ZFHX3: variants seen among roughly 807,000 people sequenced by gnomAD.
The protein encoded by ZFHX3 is zinc finger homeobox 3.
In ZFHX3, 42 loss-of-function variants were observed where a neutral mutation model predicts 279.1. That is an observed-to-expected ratio of 0.15 (90% CI 0.12 to 0.19). ZFHX3 has a LOEUF of 0.19. Ranked by LOEUF, ZFHX3 falls within the 10% of genes least tolerant of loss-of-function variation. The pLI is 1.00. For synonymous variants in ZFHX3, 2,293 were observed against 1,957.8 expected, an observed-to-expected ratio of 1.17 and a Z score of -4.52; for missense variants, 4,981 against 4,754.0, an observed-to-expected ratio of 1.05 and a Z score of -1.40.
At chr16:73,086,708 G>A (rs1310569420) in intron 8 of ZFHX3, among the ~76,000 whole-genome samples, 1 of 152,064 alleles carries the variant, frequency 6.6e-6, no homozygotes, top group Non-Finnish European at 1.5e-5. Flanking sequence ...TTCAAGACCA[G>A]CCTGGGCAAC....
intron 1 of ZFHX3, among the ~76,000 whole-genome samples, chr16:73,840,777 C>T (rs1351267079): frequency 6.6e-6 from 1 of 152,140 alleles, no homozygotes; most frequent in Non-Finnish European, 1.5e-5. Context: ...TGAAGTAAGC[C>T]CATGACAATA....
intron 3 of ZFHX3, among the ~76,000 whole-genome samples, chr16:72,911,903 C>T (rs975627292): frequency 6.6e-6 from 1 of 152,166 alleles, no homozygotes; most frequent in African/African-American, 2.4e-5. Flanking sequence ...CGTCACACTG[C>T]CACTTTAGAA....
chr16:72,901,941 G>A (rs756565171), intron 3 of ZFHX3, among the ~76,000 whole-genome samples: 9 of 152,060 alleles, frequency 5.9e-5, no homozygotes, highest in Non-Finnish European at 1.2e-4. Flanking sequence ...CTCATTAAAA[G>A]CCGATATTGT....
In ZFHX3 at chr16:72,882,172, CTT is replaced by C. The variant is rs11298791; in HGVS notation, c.3448+7557_3448+7558del. On this transcript the variant is annotated intron_variant, in intron 4 of 9. Coordinates refer to ENST00000268489, the MANE Select transcript of ZFHX3 (RefSeq NM_006885.4). ...AACCATCAGCAGGTACCCCTTTTTC[CTT>C]TTTTTTTTTTTTTTTTTGCTGTGCC... 5.0e-3 allele frequency among the ~76,000 whole-genome samples: 521 copies of C among 103,790 alleles called. 2 individuals are homozygous for C. The highest frequency in any genetic ancestry group is 7.0e-3 in the African/African-American group (179 of 25,616). The allele number at this position is 103,790 out of a possible 152,430, so 68.1% of individuals were successfully genotyped here.
At chr16:73,183,628 T>C (rs992125392) in intron 5 of ZFHX3, among the ~76,000 whole-genome samples, 2 of 152,198 alleles carry the variant, frequency 1.3e-5, no homozygotes, top group Non-Finnish European at 2.9e-5. Flanking sequence ...TCACACGCTG[T>C]CTTACGTTTG....
At chr16:72,913,547 C>A (rs1787914992) in intron 3 of ZFHX3, among the ~76,000 whole-genome samples, 1 of 152,172 alleles carries the variant, frequency 6.6e-6, no homozygotes, top group Non-Finnish European at 1.5e-5. Context: ...ATCAACATGA[C>A]CCATCACTGG....
chr16:73,215,954 TG>T (rs1363153383), intron 5 of ZFHX3, among the ~76,000 whole-genome samples: 1 of 152,156 alleles, frequency 6.6e-6, no homozygotes, highest in Non-Finnish European at 1.5e-5. Context: ...TTTCTGTTCA[TG>T]CTTTTATACT....
chr16:73,707,681 G>A (rs551499543), intron 1 of ZFHX3, among the ~76,000 whole-genome samples: 4 of 151,650 alleles, frequency 2.6e-5, no homozygotes, highest in South Asian at 4.2e-4. Flanking sequence ...CATGGCACAT[G>A]TGTACATATG....
exon 8 of ZFHX3, chr16:73,093,375 C>T (rs1966114012): frequency 2.4e-6 from 1 of 423,872 alleles, no homozygotes; most frequent in Admixed American, 2.7e-5. Flanking sequence ...AGGGGACGAC[C>T]CTGAAAAAGT....
At chr16:73,835,360 C>G (rs1196868324) in intron 1 of ZFHX3, among the ~76,000 whole-genome samples, 5 of 149,816 alleles carry the variant, frequency 3.3e-5, no homozygotes, top group Non-Finnish European at 3.0e-5. Context: ...AATTATTTTT[C>G]TTTCCCCTTT....
intron 2 of ZFHX3, among the ~76,000 whole-genome samples, chr16:73,652,877 T>A (rs1400147219): frequency 3.3e-5 from 5 of 152,132 alleles, no homozygotes; most frequent in Admixed American, 6.5e-5. Flanking sequence ...TAACACTGAT[T>A]GCATTAAACA....
chr16:73,140,021 G>A (rs1193042853), intron 6 of ZFHX3, among the ~76,000 whole-genome samples: 4 of 152,050 alleles, frequency 2.6e-5, no homozygotes, highest in South Asian at 2.1e-4. Context: ...TAATCCCAGC[G>A]CCTTGGGAGG....
intron 1 of ZFHX3, among the ~76,000 whole-genome samples, chr16:73,799,430 G>C (rs954687999): frequency 1.3e-5 from 2 of 152,180 alleles, no homozygotes; most frequent in African/African-American, 4.8e-5. Flanking sequence ...AGACAGCAGA[G>C]TGAATTGAGG....
rs71156159 is a variant in ZFHX3 at position 73,378,030 on chromosome 16, C to CAAAAAAAAAAAAAAAAA, written c.-1290-59711_-1290-59695dup. Reference sequence around the variant, plus strand: ...CCTGGGTGACAGAGAGACTCTGTCTCAAAAAAAAAAAAAAAAAAAAAAAAA... The same window carrying CAAAAAAAAAAAAAAAAA: ...CCTGGGTGACAGAGAGACTCTGTCTCAAAAAAAAAAAAAAAAAAAAAAAAAAAAAAAAAAAAAAAAAA... On this transcript the variant is annotated intron_variant, in intron 3 of 17. Transcript: ENST00000641206. Among the ~76,000 whole-genome samples, 16 of 53,840 alleles carry CAAAAAAAAAAAAAAAAA rather than the reference C, an allele frequency of 3.0e-4. 5 individuals are homozygous for CAAAAAAAAAAAAAAAAA. The highest frequency in any genetic ancestry group is 3.8e-4 in the African/African-American group (5 of 13,232). 35.3% of individuals were successfully genotyped at this position (53,840 alleles called of 152,430 possible).
intron 3 of ZFHX3, among the ~76,000 whole-genome samples, chr16:72,932,578 T>C (rs1208097274): frequency 6.7e-6 from 1 of 150,212 alleles, no homozygotes; most frequent in African/African-American, 2.5e-5. Context: ...AAGGTTAAAT[T>C]ACTGGCTCAA....
chr16:73,259,822 AATG>A (rs2013767343), intron 4 of ZFHX3, among the ~76,000 whole-genome samples: 1 of 152,226 alleles, frequency 6.6e-6, no homozygotes, highest in African/African-American at 2.4e-5. Context: ...TTATTTTTCC[AATG>A]ATGTTAACTC....
chr16:72,891,058 T>C (rs997816456), intron 3 of ZFHX3, among the ~76,000 whole-genome samples: 4 of 152,216 alleles, frequency 2.6e-5, no homozygotes, highest in African/African-American at 9.7e-5. Context: ...ACTCCAGTGT[T>C]TGTATTTAAA....
At chr16:73,162,315 A>G (rs912180174) in intron 5 of ZFHX3, among the ~76,000 whole-genome samples, 4 of 152,212 alleles carry the variant, frequency 2.6e-5, no homozygotes, top group Non-Finnish European at 5.9e-5. Context: ...CGAGGGATCT[A>G]GGTTGCACAC....
chr16:73,047,765 C>T lies in ZFHX3; in HGVS notation c.-63G>A, dbSNP rs910276375. The T allele has an allele frequency of 6.6e-6, 1 of 152,264 alleles. No individual in the cohort carries two copies. Among genetic ancestry groups the T allele is most frequent in the Non-Finnish European group, 1.5e-5 (1 of 68,092 alleles). The allele number at this position is 152,264 out of a possible 1,614,324, so 9.4% of individuals were successfully genotyped here. A position where few individuals can be genotyped will look rare whatever the true frequency, so the allele number is the denominator to read the frequency against. On this transcript the variant is annotated 5_prime_UTR_variant, in exon 1 of 10. Transcript: ENST00000268489. ...GGCTGCACTCACCTGGCACACCAAG[C>T]CTCCGCGCACCTCCGGAGGGAGGCG... is the stretch of plus-strand genomic sequence containing the variant.
Sources: gnomAD v4.1 joint callset for allele counts (sites outside exome capture counted in the v4.1 genomes callset) on GRCh38, gnomAD v4.1.1 for gene constraint, MANE v1.5 for transcripts, NCBI Gene and HGNC (gene_info 2026-07-23, HGNC 2026-07-21) for gene names.